DAGLA: variants seen among roughly 807,000 people sequenced by gnomAD.
The protein encoded by DAGLA is diacylglycerol lipase alpha.
Under a neutral mutation model 102.6 loss-of-function variants are expected in DAGLA, and 22 were observed. The observed-to-expected ratio is 0.21, with a 90% CI of 0.15 to 0.31. The LOEUF (loss-of-function observed/expected upper bound fraction) is 0.31, where lower values mean the gene tolerates loss of function less well. DAGLA is among the 10% of genes least tolerant of loss of function. The probability of loss-of-function intolerance (pLI) is 1.00; values close to 1 mark genes in which losing one functional copy is unlikely to be tolerated. For synonymous variants in DAGLA, 578 were observed against 628.9 expected (o/e 0.92, Z 1.21); for missense variants, 927 against 1,446.6 (o/e 0.64, Z 5.83).
intron 1 of DAGLA, among the ~76,000 whole-genome samples, chr11:61,706,324 A>C (rs558091837): frequency 6.6e-6 from 1 of 152,208 alleles, no homozygotes; most frequent in Non-Finnish European, 1.5e-5. Context: ...GGCTGAGCCA[A>C]TGGCCCTGGG....
chr11:61,738,730 G>T (rs1400056483), intron 16 of DAGLA, among the ~76,000 whole-genome samples: 1 of 152,104 alleles, frequency 6.6e-6, no homozygotes, highest in Non-Finnish European at 1.5e-5. Flanking sequence ...GGCAGACGGG[G>T]TGGCCAGGTG....
intron 1 of DAGLA, among the ~76,000 whole-genome samples, chr11:61,709,769 C>T (rs923576442): frequency 6.6e-6 from 1 of 152,198 alleles, no homozygotes; most frequent in Non-Finnish European, 1.5e-5. Flanking sequence ...GAACCTCTTC[C>T]CCTGGGGAAA....
At chr11:61,706,814 C>A (rs1009862308) in intron 1 of DAGLA, among the ~76,000 whole-genome samples, 1 of 152,194 alleles carries the variant, frequency 6.6e-6, no homozygotes, top group African/African-American at 2.4e-5. Context: ...CCTCCCCAAA[C>A]CCTGGAGGAG....
intron 14 of DAGLA, 102 bp downstream of exon 14, chr11:61,737,426 C>A: frequency 6.6e-7 from 1 of 1,526,246 alleles, no homozygotes; most frequent in South Asian, 1.2e-5. Flanking sequence ...GACTTCTGGT[C>A]ACATGGAGGT....
At chr11:61,727,312 A>G (rs1421908140) in intron 6 of DAGLA, among the ~76,000 whole-genome samples, 4 of 152,236 alleles carry the variant, frequency 2.6e-5, no homozygotes, top group African/African-American at 9.6e-5. Context: ...GCCGAGCAGT[A>G]TCTGGCTCCG....
intron 1 of DAGLA, among the ~76,000 whole-genome samples, chr11:61,717,743 G>A (rs1195216630): frequency 6.6e-6 from 1 of 152,178 alleles, no homozygotes; most frequent in African/African-American, 2.4e-5. Flanking sequence ...ACCCAGCAGG[G>A]TCGGCCCCCA....
chr11:61,741,140 G>T, intron 18 of DAGLA, 22 bp from the exon 19 acceptor site: 1 of 1,594,574 alleles, frequency 6.3e-7, no homozygotes, highest in Non-Finnish European at 8.5e-7. Flanking sequence ...ACCACCCCCA[G>T]CCTCCTCTGT....
rs142860321 is a variant in DAGLA, at chr11:61,702,469, T to C, written c.-44-17643T>C. Among the ~76,000 whole-genome samples, 7 of 152,310 alleles carry C rather than the reference T, an allele frequency of 4.6e-5. No homozygotes were observed. In the East Asian group the frequency reaches 1.3e-3, roughly 29 times the overall value. On this transcript the variant is annotated intron_variant, in intron 1 of 19. Transcript: ENST00000257215. ...CTGAGCCAGAGGCTGCAGACCCTTA[T>C]AAACTGAGCATTGGGGGATGGGGGT...
chr11:61,731,601 G>C (rs1485709150), intron 9 of DAGLA, among the ~76,000 whole-genome samples, 160 bp downstream of exon 9: 1 of 152,340 alleles, frequency 6.6e-6, no homozygotes, highest in South Asian at 2.1e-4. Flanking sequence ...TCCCTGAGCA[G>C]TGAAGTTGTA....
intron 8 of DAGLA, among the ~76,000 whole-genome samples, chr11:61,730,926 T>A (rs1036338112): frequency 1.3e-5 from 2 of 152,162 alleles, no homozygotes; most frequent in African/African-American, 4.8e-5. Context: ...CAGGGCTACA[T>A]TTTCCCAGCA....
At position 61,734,765 on chromosome 11, in the gene DAGLA, G is replaced by C. The variant is rs947015608; in HGVS notation, c.975-84G>C. On this transcript the variant is annotated intron_variant, in intron 9 of 19. Coordinates refer to ENST00000257215, the MANE Select transcript of DAGLA (RefSeq NM_006133.3). This position sits in a 1 kb window ranked among gnomAD's most constrained non-coding sequence, Gnocchi z 4.2. ...GGCAGTGGGGCTGAATGCCCAACTG[G>C]AACTGGTTCCAGGGACAGTGGCAGG... is the stretch of plus-strand genomic sequence containing the variant. 1 of 1,408,650 alleles carries C rather than the reference G, an allele frequency of 7.1e-7. No homozygotes were observed. The highest frequency in any genetic ancestry group is 9.8e-7 in the Non-Finnish European group (1 of 1,020,040). 87.3% of individuals were successfully genotyped at this position (1,408,650 alleles called of 1,614,324 possible).
At position 61,729,026 on chromosome 11, in the gene DAGLA, T is replaced by C. The variant is rs1183782467; in HGVS notation, c.849+18T>C. The C allele has an allele frequency of 1.9e-6, 3 of 1,608,304 alleles. No homozygotes were observed. The highest frequency in any genetic ancestry group is 2.6e-6 in the Non-Finnish European group (3 of 1,174,916). On this transcript the variant is annotated intron_variant, in intron 8 of 19. Coordinates refer to ENST00000257215, the MANE Select transcript of DAGLA (RefSeq NM_006133.3). ...AGAATTCAGTGAGTCAGACATCAAC[T>C]CTCACCCCACCCCGTCCCCATCCCT...
At chr11:61,739,774 A>G (rs897454422) in intron 17 of DAGLA, 113 bp downstream of exon 17, 2 of 1,136,834 alleles carry the variant, frequency 1.8e-6, no homozygotes, top group Non-Finnish European at 2.5e-6. Context: ...GGAGGCTGGG[A>G]GAAGATGGCC....
At chr11:61,727,973 C>T (rs1288556926) in intron 6 of DAGLA, among the ~76,000 whole-genome samples, 180 bp from the exon 7 acceptor site, 2 of 152,176 alleles carry the variant, frequency 1.3e-5, no homozygotes, top group Admixed American at 6.5e-5. Flanking sequence ...CCCTCAGGGT[C>T]ACAGGGCCAC....
rs143230041 is a variant in DAGLA, at chr11:61,744,032, C to T, written c.2672C>T (p.Ser891Phe). The T allele has an allele frequency of 2.5e-6, 4 of 1,612,318 alleles. No individual in the cohort carries two copies. The African/African-American group carries it at 5.3e-5, about 21-fold the overall frequency. Reference protein sequence around the residue: ...EVGGGGGGPASRGELALHNGR... With the variant: ...EVGGGGGGPAFRGELALHNGR... ...GGCGGTGGGGGTGGCGGGCCGGCCT[C>T]CCGCGGGGAGCTGGCGCTGCACAAT... The change falls in exon 20 of 20, where the codon TCC (serine) becomes TTC (phenylalanine). Residue 891 changes from serine (S) to phenylalanine (F), a missense_variant. Ser to Phe is a radical substitution (Grantham distance 155, BLOSUM62 -2). Transcript: ENST00000257215.
Position 61,703,999 on chromosome 11 carries a change from CAA to C in DAGLA, c.-44-16112_-44-16111del, listed in dbSNP as rs1359345233. On this transcript the variant is annotated intron_variant, in intron 1 of 19. Coordinates refer to ENST00000257215, the MANE Select transcript of DAGLA (RefSeq NM_006133.3). ...GAGCAGACTGAGTGGGGAAACCCAGCAAGGCCTGCTCTCAGATCCTTCTTGGC... is the reference window on the plus strand; with the variant it reads ...GAGCAGACTGAGTGGGGAAACCCAGCGGCCTGCTCTCAGATCCTTCTTGGC... Among the ~76,000 whole-genome samples the C allele has an allele frequency of 2.7e-3, 410 of 152,324 alleles. 1 individual carries two copies. The highest frequency in any genetic ancestry group is 4.1e-3 in the Non-Finnish European group (281 of 68,032).
At chr11:61,720,076 C>G in intron 1 of DAGLA, 36 bp from the exon 2 acceptor site, 3 of 1,489,542 alleles carry the variant, frequency 2.0e-6, no homozygotes, top group East Asian at 2.3e-5. Flanking sequence ...GCCTTCACCT[C>G]CTCAGGCAGC....
chr11:61,740,767 C>T (rs1372296008), intron 18 of DAGLA, among the ~76,000 whole-genome samples, 175 bp downstream of exon 18: 1 of 152,236 alleles, frequency 6.6e-6, no homozygotes, highest in African/African-American at 2.4e-5. Context: ...ACACCCCTGG[C>T]TCTGTCCACA....
chr11:61,728,969 G>A lies in DAGLA; in HGVS notation c.810G>A (p.Pro270=), dbSNP rs763430409. The A allele has an allele frequency of 2.0e-5, 32 of 1,614,036 alleles. No homozygotes were observed. The highest frequency in any genetic ancestry group is 2.7e-5 in the African/African-American group (2 of 74,898). ...NDILAFLSGM[P]VTRNTKYLDL... is the part of the protein sequence containing the mutation. ...TCTTGGCCTTCCTGTCTGGGATGCCGGTGACCAGAAACACCAAGTACCTCG... is the reference window on the plus strand; with the variant it reads ...TCTTGGCCTTCCTGTCTGGGATGCCAGTGACCAGAAACACCAAGTACCTCG... The change falls in exon 8 of 20, where the codon CCG becomes CCA. Residue 270 remains proline, a synonymous_variant. Coordinates refer to ENST00000257215, the MANE Select transcript of DAGLA (RefSeq NM_006133.3).
Sources: allele counts gnomAD v4.1 joint callset (sites outside exome capture counted in the v4.1 genomes callset), GRCh38; gene constraint gnomAD v4.1.1; non-coding constraint Gnocchi (gnomAD v3.1); transcripts MANE v1.5; gene names NCBI Gene and HGNC (gene_info 2026-07-23, HGNC 2026-07-21).